SMG6: variants seen among roughly 807,000 people sequenced by gnomAD.
SMG6 encodes the protein telomerase-binding protein EST1A.
Under a neutral mutation model 142.2 loss-of-function variants are expected in SMG6, and 66 were observed. The observed-to-expected ratio is 0.46, with a 90% CI of 0.38 to 0.57. The LOEUF (loss-of-function observed/expected upper bound fraction) is 0.57, where lower values mean the gene tolerates loss of function less well. Ranked by LOEUF, SMG6 falls within the 20% of genes least tolerant of loss-of-function variation. SMG6 has a pLI of 0.00. For synonymous variants in SMG6, 779 were observed against 702.4 expected (o/e 1.11, Z -1.72); for missense variants, 1,793 against 1,832.0 (o/e 0.98, Z 0.39).
At chr17:2,236,767 C>A (rs986069509) in intron 9 of SMG6, 130 bp from the exon 10 acceptor site, 7 of 1,361,322 alleles carry the variant, frequency 5.1e-6, no homozygotes, top group Non-Finnish European at 5.7e-6. Flanking sequence ...CAACTACTGC[C>A]TAGGACATTT....
chr17:2,253,885 G>A (rs2074104657), intron 8 of SMG6, among the ~76,000 whole-genome samples: 2 of 152,148 alleles, frequency 1.3e-5, no homozygotes, highest in Admixed American at 6.5e-5. Context: ...TCCACCTGCA[G>A]GGTAGAAACA....
At chr17:2,219,639 A>G (rs1359984207) in intron 10 of SMG6, among the ~76,000 whole-genome samples, 2 of 151,820 alleles carry the variant, frequency 1.3e-5, no homozygotes, top group African/African-American at 4.8e-5. Flanking sequence ...ATATTTGAAA[A>G]TCAGATGGGC....
chr17:2,143,633 T>C (rs1188500706), intron 13 of SMG6, among the ~76,000 whole-genome samples: 1 of 152,100 alleles, frequency 6.6e-6, no homozygotes, highest in Non-Finnish European at 1.5e-5. Flanking sequence ...GTAATGAAAA[T>C]GTTCTGAAAT....
rs984429002 is a variant in SMG6 at position 2,093,336 on chromosome 17, T to C, written c.3358-7435A>G. On this transcript the variant is annotated intron_variant, in intron 13 of 18. Coordinates refer to ENST00000263073, the MANE Select transcript of SMG6 (RefSeq NM_017575.5). The stretch of plus-strand genomic sequence containing the variant: ...TAACTAGGAGGCTGAGGTAGGAGGA[T>C]TGCTTGAGCCGGGGAAGTCAGAGCT... Among the ~76,000 whole-genome samples the C allele has an allele frequency of 5.3e-5, 8 of 152,032 alleles. No individual in the cohort carries two copies. In the East Asian group the frequency reaches 1.2e-3, roughly 22 times the overall value.
chr17:2,280,260 ATTTC>A (rs931174511), intron 8 of SMG6, among the ~76,000 whole-genome samples: 2 of 151,756 alleles, frequency 1.3e-5, no homozygotes, highest in African/African-American at 2.4e-5. Flanking sequence ...GAAACTGCAG[ATTTC>A]TTTTTCTTTT....
chr17:2,201,773 C>G (rs576736912), intron 10 of SMG6, among the ~76,000 whole-genome samples: 5 of 152,046 alleles, frequency 3.3e-5, no homozygotes, highest in African/African-American at 1.2e-4. Context: ...GCTGTAATCT[C>G]AGCACTTTGG....
intron 13 of SMG6, among the ~76,000 whole-genome samples, chr17:2,133,889 TAACCATCTTGGGATGGGACCACATTG>T (rs1437139581): frequency 6.6e-6 from 1 of 152,218 alleles, no homozygotes; most frequent in African/African-American, 2.4e-5. Flanking sequence ...GATGCTCTAC[TAACCATCTTGGGATGGGACCACATTG>T]TAGGATGTTG....
chr17:2,108,972 T>C (rs1245548561), intron 13 of SMG6, among the ~76,000 whole-genome samples: 1 of 152,124 alleles, frequency 6.6e-6, no homozygotes, highest in Admixed American at 6.6e-5. Flanking sequence ...TCTCATTTAA[T>C]CCTTACTAAA....
At chr17:2,163,895 TC>T (rs1204982387) in intron 13 of SMG6, among the ~76,000 whole-genome samples, 3 of 151,946 alleles carry the variant, frequency 2.0e-5, no homozygotes, top group African/African-American at 7.3e-5. Context: ...AAACCTCATC[TC>T]CACTAAAAAT....
intron 7 of SMG6, 64 bp from the exon 8 acceptor site, chr17:2,282,923 C>T: frequency 7.1e-6 from 11 of 1,538,520 alleles, no homozygotes; most frequent in Non-Finnish European, 9.0e-6. Context: ...GTAATCCCAG[C>T]ACTTAGAGAT....
chr17:2,263,397 T>C (rs527781784), intron 8 of SMG6, among the ~76,000 whole-genome samples: 2 of 152,158 alleles, frequency 1.3e-5, no homozygotes, highest in Non-Finnish European at 2.9e-5. Flanking sequence ...TAGTAACCAA[T>C]GTTACCTAGT....
At chr17:2,270,062 C>T (rs1049081592) in intron 8 of SMG6, among the ~76,000 whole-genome samples, 1 of 152,070 alleles carries the variant, frequency 6.6e-6, no homozygotes, top group Non-Finnish European at 1.5e-5. Context: ...AGCACTTGAA[C>T]TCAGGACTTT....
intron 12 of SMG6, among the ~76,000 whole-genome samples, chr17:2,183,980 T>C (rs1174710826): frequency 6.6e-6 from 1 of 151,994 alleles, no homozygotes; most frequent in Non-Finnish European, 1.5e-5. Flanking sequence ...CACACAAACA[T>C]GGACACAACA....
Position 2,297,934 on chromosome 17 carries a change from G to T in SMG6, c.1969C>A (p.Gln657Lys). Residue 657 changes from glutamine (Q) to lysine (K), a missense_variant, in exon 3 of 19, where the codon CAA becomes AAA. By Grantham distance (53) the Gln-to-Lys change is moderately conservative. Coordinates refer to ENST00000263073, the MANE Select transcript of SMG6 (RefSeq NM_017575.5). ...TCAACATTCGGATCCTTGACAAGTTGCCTGAACTTCTCAATCACCTGATAG... is the reference window on the plus strand; with the variant it reads ...TCAACATTCGGATCCTTGACAAGTTTCCTGAACTTCTCAATCACCTGATAG... ...AFYQVIEKFR[Q>K]LVKDPNVENP... 6.2e-7 allele frequency: 1 copy of T among 1,613,326 alleles called. No homozygotes were observed. Among genetic ancestry groups the T allele is most frequent in the Non-Finnish European group, 8.5e-7 (1 of 1,180,014 alleles).
intron 13 of SMG6, among the ~76,000 whole-genome samples, chr17:2,142,476 C>CTT (rs1436104887): frequency 6.6e-6 from 1 of 151,316 alleles, no homozygotes; most frequent in Admixed American, 6.6e-5. Flanking sequence ...GAGACCCTCT[C>CTT]TGTCTGTCTG....
chr17:2,254,880 C>T (rs1025938923), intron 8 of SMG6, among the ~76,000 whole-genome samples: 6 of 152,052 alleles, frequency 3.9e-5, no homozygotes, highest in African/African-American at 1.2e-4. Flanking sequence ...AGAAGCAGCA[C>T]CAGAGATATC....
chr17:2,270,976 T>C (rs216184), intron 8 of SMG6, among the ~76,000 whole-genome samples: 1 of 152,220 alleles, frequency 6.6e-6, no homozygotes, highest in East Asian at 1.9e-4. Context: ...AGGCCTACAG[T>C]TGTAACTTTA....
chr17:2,215,265 C>A (rs751621783), intron 10 of SMG6, among the ~76,000 whole-genome samples: 1 of 152,058 alleles, frequency 6.6e-6, no homozygotes, highest in Non-Finnish European at 1.5e-5. Context: ...AAAGGATCTA[C>A]TATAACAGGA....
intron 13 of SMG6, among the ~76,000 whole-genome samples, chr17:2,141,777 T>C (rs952271478): frequency 7.2e-5 from 11 of 152,290 alleles, no homozygotes; most frequent in Middle Eastern, 3.4e-3. Context: ...TGTCTCATAA[T>C]AGAGTAAATT....
Sources: allele counts gnomAD v4.1 joint callset (sites outside exome capture counted in the v4.1 genomes callset), GRCh38; gene constraint gnomAD v4.1.1; transcripts MANE v1.5; gene names NCBI Gene and HGNC (gene_info 2026-07-23, HGNC 2026-07-21).